The following LDB1 variants were observed in gnomAD, a reference collection of about 807,000 sequenced individuals.
LDB1 encodes LIM domain-binding protein 1.
A neutral mutation model predicts 49.7 loss-of-function variants in LDB1; 6 were observed. The observed-to-expected ratio is 0.12, with a 90% CI of 0.07 to 0.24. LDB1 has a LOEUF of 0.24. Ranked by LOEUF, LDB1 falls within the 10% of genes least tolerant of loss-of-function variation. LDB1 has a pLI of 1.00. For missense variants in LDB1, 341 were observed against 561.7 expected (o/e 0.61, Z 3.97); for synonymous variants, 233 against 202.0 (o/e 1.15, Z -1.30).
Position 102,109,999 on chromosome 10 carries a change from G to A in LDB1, c.570C>T (p.Asp190=), listed in dbSNP as rs908226871. ...GRLYLEFMFD[D]MMRIKTWHFS... Reference sequence around the variant, plus strand: ...AGTGCCACGTCTTTATCCGCATCATGTCGTCAAACATGAACTCCAGGTACA... The same window carrying A: ...AGTGCCACGTCTTTATCCGCATCATATCGTCAAACATGAACTCCAGGTACA... The change falls in exon 7 of 11, where the codon GAC becomes GAT. Residue 190 remains aspartate, a synonymous_variant. Transcript: ENST00000673968. The surrounding 1 kb of genome is among the most constrained non-coding windows in gnomAD (Gnocchi z 5.8). The A allele has an allele frequency of 6.8e-6, 11 of 1,613,332 alleles. No individual in the cohort carries two copies. The highest frequency in any genetic ancestry group is 9.3e-6 in the Non-Finnish European group (11 of 1,179,908).
At chr10:102,114,792 G>A in intron 1 of LDB1, 1 of 976,572 alleles carries the variant, frequency 1.0e-6, no homozygotes, top group Non-Finnish European at 1.2e-6. Flanking sequence ...GCCGCCTCTT[G>A]CTGCCTCTGC....
At position 102,109,218 on chromosome 10, in the gene LDB1, G is replaced by C. The variant is rs750014499; in HGVS notation, c.857-41C>G. ...GAGACTCAGATGGGAGAGGGCCCCA[G>C]GTCCCCTATTCTCCATTGTGGCTCC... On this transcript the variant is annotated intron_variant, in intron 9 of 10. Transcript: ENST00000673968. The surrounding 1 kb of genome is among the most constrained non-coding windows in gnomAD (Gnocchi z 5.8). 6.2e-7 allele frequency: 1 copy of C among 1,612,002 alleles called. No individual in the cohort carries two copies. Among genetic ancestry groups the C allele is most frequent in the Non-Finnish European group, 8.5e-7 (1 of 1,179,704 alleles).
intron 1 of LDB1, chr10:102,114,354 G>T (rs1048102391): frequency 1.0e-5 from 10 of 986,166 alleles, no homozygotes; most frequent in Non-Finnish European, 1.2e-5. Context: ...CCCGGGCCGG[G>T]CTGAGGGCCT....
chr10:102,116,862 G>A (rs2068341655), intron 1 of LDB1, among the ~76,000 whole-genome samples: 1 of 152,062 alleles, frequency 6.6e-6, no homozygotes, highest in African/African-American at 2.4e-5. Flanking sequence ...TTAACTCTGG[G>A]GTAGTCCCAC....
At chr10:102,113,684 G>A (rs1202032854) in intron 1 of LDB1, among the ~76,000 whole-genome samples, 1 of 151,918 alleles carries the variant, frequency 6.6e-6, no homozygotes, top group East Asian at 1.9e-4. Context: ...CTCAGTTTCC[G>A]GGCCACTTGA....
chr10:102,115,923 C>T (rs1022457933), intron 1 of LDB1, among the ~76,000 whole-genome samples: 2 of 152,032 alleles, frequency 1.3e-5, no homozygotes, highest in Non-Finnish European at 2.9e-5. Context: ...TACACACACA[C>T]ACACACAAAC....
rs776511244 is a variant in LDB1, at chr10:102,112,219, A to G, written c.26-683T>C. Among the ~76,000 whole-genome samples, 69 of 152,316 alleles carry G rather than the reference A, an allele frequency of 4.5e-4. 1 individual carries two copies. Among genetic ancestry groups the G allele is most frequent in the Admixed American group, 2.9e-3 (45 of 15,310 alleles). Reference sequence around the variant, plus strand: ...CCTTTTAATCTACATACTTTCACTCAATCATCAAAACAACCTTATGAGGTA... The same window carrying G: ...CCTTTTAATCTACATACTTTCACTCGATCATCAAAACAACCTTATGAGGTA... On this transcript the variant is annotated intron_variant, in intron 1 of 10. Transcript: ENST00000673968.
chr10:102,105,950 C>T (rs2068155123), downstream of LDB1, among the ~76,000 whole-genome samples: 1 of 152,100 alleles, frequency 6.6e-6, no homozygotes, highest in South Asian at 2.1e-4. Flanking sequence ...GCCCTCCAGC[C>T]TGGGTAATGG....
Position 102,109,212 on chromosome 10 carries a change from G to A in LDB1, c.857-35C>T. The A allele has an allele frequency of 6.2e-7, 1 of 1,612,148 alleles. No homozygotes were observed. Among genetic ancestry groups the A allele is most frequent in the Non-Finnish European group, 8.5e-7 (1 of 1,179,736 alleles). ...TAAACGGAGACTCAGATGGGAGAGG[G>A]CCCCAGGTCCCCTATTCTCCATTGT... On this transcript the variant is annotated intron_variant, in intron 9 of 10. Coordinates refer to ENST00000673968, the MANE Select transcript of LDB1 (RefSeq NM_001113407.3). The surrounding 1 kb of genome is among the most constrained non-coding windows in gnomAD (Gnocchi z 5.8).
chr10:102,109,615 A>C lies in LDB1; in HGVS notation c.717T>G (p.Thr239=). 1 of 1,614,008 alleles carries C rather than the reference A, an allele frequency of 6.2e-7. No individual in the cohort carries two copies. The highest frequency in any genetic ancestry group is 8.5e-7 in the Non-Finnish European group (1 of 1,179,968). ...GGAGACTCACTCGGAGGTAGTTGAG[A>C]GTGGAATTGGACAGCCCACACCGAG... ...NITRCGLSNS[T]LNYLRLCVIL... The change falls in exon 8 of 11, where the codon ACT becomes ACG. Residue 239 remains threonine, a synonymous_variant. Transcript: ENST00000673968. The surrounding 1 kb of genome is among the most constrained non-coding windows in gnomAD (Gnocchi z 5.8).
In LDB1 at chr10:102,107,289, G is replaced by A. The variant is rs2068177163; in HGVS notation, c.*804C>T. Among the ~76,000 whole-genome samples the A allele has an allele frequency of 2.0e-5, 3 of 152,206 alleles. No homozygotes were observed. In the South Asian group the frequency reaches 6.2e-4, roughly 32 times the overall value. On this transcript the variant is annotated 3_prime_UTR_variant, in exon 11 of 11. Transcript: ENST00000673968. ...GGCAGGCCAGAGTCCAGAGAATGGG[G>A]ACACAGAGACAACAGCAGGGGTCTG...
downstream of LDB1, among the ~76,000 whole-genome samples, chr10:102,106,041 G>A (rs1484111565): frequency 2.0e-5 from 3 of 152,056 alleles, no homozygotes; most frequent in African/African-American, 4.8e-5. Context: ...CTGGGTAGGG[G>A]TAGGAGTCTC....
At chr10:102,103,041 T>C (rs1241600000), downstream of LDB1, among the ~76,000 whole-genome samples, 2 of 152,050 alleles carry the variant, frequency 1.3e-5, no homozygotes, top group African/African-American at 2.4e-5. Context: ...TCAATATATA[T>C]ATATTTGAGA....
In LDB1 at chr10:102,120,345, C is replaced by T. The variant is rs956055401; in HGVS notation, c.-235G>A. The T allele has an allele frequency of 5.1e-6, 5 of 983,982 alleles. No individual in the cohort carries two copies. The highest frequency in any genetic ancestry group is 6.0e-6 in the Non-Finnish European group (5 of 829,438). The allele number at this position is 983,982 out of a possible 1,614,324, so 61.0% of individuals were successfully genotyped here. On this transcript the variant is annotated 5_prime_UTR_variant, in exon 1 of 11. Coordinates refer to ENST00000673968, the MANE Select transcript of LDB1 (RefSeq NM_001113407.3). ...CGAGCGGCCTCTGCGTGTGTGCGCG[C>T]GGGTGTGAGTCCGCGGAGTGTGTGT... is the stretch of plus-strand genomic sequence containing the variant.
Position 102,120,199 on chromosome 10 carries a change from C to T in LDB1, c.-89G>A. The T allele has an allele frequency of 3.8e-6, 4 of 1,052,260 alleles. No homozygotes were observed. In the South Asian group the frequency reaches 1.8e-4, roughly 46 times the overall value. 65.2% of individuals were successfully genotyped at this position (1,052,260 alleles called of 1,614,324 possible). A position where few individuals can be genotyped will look rare whatever the true frequency, so the allele number is the denominator to read the frequency against. ...CCGGGCATGAGCCGCCGCCGCCGCC[C>T]GCGGCCCCCGCTGCGCTCGCCGCCG... On this transcript the variant is annotated 5_prime_UTR_variant, in exon 1 of 11. Transcript: ENST00000673968.
downstream of LDB1, among the ~76,000 whole-genome samples, chr10:102,102,456 G>A (rs1394976588): frequency 6.6e-6 from 1 of 152,186 alleles, no homozygotes; most frequent in Non-Finnish European, 1.5e-5. Context: ...CTGGCCCTAG[G>A]TCCTCCTCTT....
chr10:102,116,999 C>G (rs1057052243), intron 1 of LDB1, among the ~76,000 whole-genome samples: 1 of 150,344 alleles, frequency 6.7e-6, no homozygotes, highest in Non-Finnish European at 1.5e-5. Flanking sequence ...GACAGGATGA[C>G]CAGGGTGGGC....
At chr10:102,112,492 G>A (rs955270558) in intron 1 of LDB1, among the ~76,000 whole-genome samples, 1 of 152,172 alleles carries the variant, frequency 6.6e-6, no homozygotes, top group Non-Finnish European at 1.5e-5. Context: ...GAGGGCAAGG[G>A]ATGGAAAGAT....
intron 1 of LDB1, 86 bp from the exon 2 acceptor site, chr10:102,111,622 G>C: frequency 1.4e-6 from 1 of 735,008 alleles, no homozygotes; most frequent in East Asian, 2.7e-5. Flanking sequence ...CAAGAAGATT[G>C]ATTGAGCACA....
Sources: gnomAD v4.1 joint callset for allele counts (sites outside exome capture counted in the v4.1 genomes callset) on GRCh38, gnomAD v4.1.1 for gene constraint, Gnocchi (gnomAD v3.1) non-coding constraint, MANE v1.5 for transcripts, NCBI Gene and HGNC (gene_info 2026-07-23, HGNC 2026-07-21) for gene names.